Variants in FSHR observed in about 807,000 individuals in gnomAD.
FSHR encodes the protein follicle-stimulating hormone receptor.
FSHR carries 46 observed loss-of-function variants against 52.1 expected under a neutral mutation model. That is an observed-to-expected ratio of 0.88 (90% CI 0.70 to 1.13). The LOEUF (loss-of-function observed/expected upper bound fraction) is 1.13, where lower values mean the gene tolerates loss of function less well. Ranked by LOEUF, FSHR falls within the 50% of genes most tolerant of loss-of-function variation. FSHR has a pLI of 0.00. For synonymous variants in FSHR, 399 were observed against 309.6 expected (o/e 1.29, Z -3.03); for missense variants, 964 against 834.6 (o/e 1.16, Z -1.91).
At chr2:49,029,493 C>A (rs1431880367) in intron 2 of FSHR, among the ~76,000 whole-genome samples, 4 of 152,150 alleles carry the variant, frequency 2.6e-5, no homozygotes, top group African/African-American at 9.7e-5. Context: ...CTTGAGTGGG[C>A]CAAAGGAAGC....
At chr2:49,093,286 G>C (rs192520358) in intron 1 of FSHR, among the ~76,000 whole-genome samples, 1 of 152,272 alleles carries the variant, frequency 6.6e-6, no homozygotes, top group East Asian at 1.9e-4. Flanking sequence ...TGCTGAGATA[G>C]GAGTGTTAAA....
At chr2:49,008,837 G>T (rs1250447365) in intron 4 of FSHR, among the ~76,000 whole-genome samples, 4 of 149,178 alleles carry the variant, frequency 2.7e-5, no homozygotes, top group Non-Finnish European at 5.9e-5. Context: ...TTTGAGAAGT[G>T]TCTGTTCATG....
intron 1 of FSHR, among the ~76,000 whole-genome samples, chr2:49,072,008 TG>T (rs1473284113): frequency 6.6e-6 from 1 of 152,114 alleles, no homozygotes; most frequent in Non-Finnish European, 1.5e-5. Flanking sequence ...GAAATATAAG[TG>T]GGTTGTCATA....
chr2:49,151,722 A>G (rs1426220530), intron 1 of FSHR, among the ~76,000 whole-genome samples: 2 of 152,138 alleles, frequency 1.3e-5, no homozygotes, highest in Non-Finnish European at 2.9e-5. Context: ...ATTAAAGTTA[A>G]TACGCAAACT....
chr2:49,131,373 G>C (rs1385374924), intron 1 of FSHR, among the ~76,000 whole-genome samples: 1 of 152,114 alleles, frequency 6.6e-6, no homozygotes, highest in Non-Finnish European at 1.5e-5. Flanking sequence ...ATAGGATGTT[G>C]AATCCAAAGA....
chr2:49,011,316 A>G (rs1206724179), intron 4 of FSHR, among the ~76,000 whole-genome samples: 1 of 151,960 alleles, frequency 6.6e-6, no homozygotes, highest in African/African-American at 2.4e-5. Context: ...CAGGTTGTTC[A>G]GTTTCCATGT....
At chr2:49,137,019 A>T (rs1672512153) in intron 1 of FSHR, among the ~76,000 whole-genome samples, 1 of 152,150 alleles carries the variant, frequency 6.6e-6, no homozygotes, top group South Asian at 2.1e-4. Flanking sequence ...TAAAGTAATT[A>T]GACAAGAAAA....
At chr2:49,020,265 C>T in intron 2 of FSHR, 105 bp from the exon 3 acceptor site, 3 of 951,970 alleles carry the variant, frequency 3.2e-6, no homozygotes, top group Non-Finnish European at 5.1e-6. Flanking sequence ...ACAAGACACA[C>T]AAAACTCCTT....
rs70946839 is a variant in FSHR, at chr2:48,985,697, G to GTTTTTTTTTTTTTTTTT, written c.525-2548_525-2532dup. Among the ~76,000 whole-genome samples the GTTTTTTTTTTTTTTTTT allele has an allele frequency of 1.4e-4, 14 of 99,540 alleles. 7 individuals are homozygous for GTTTTTTTTTTTTTTTTT. The highest frequency in any genetic ancestry group is 1.7e-4 in the African/African-American group (4 of 23,878). The allele number at this position is 99,540 out of a possible 152,430, so 65.3% of individuals were successfully genotyped here. ...TTCAGTTTCAGGGGAGCAAGTACAG[G>GTTTTTTTTTTTTTTTTT]TTTTTTTTTTTTTTTTTTTTTTTTT... On this transcript the variant is annotated intron_variant, in intron 6 of 9. Transcript: ENST00000406846.
rs112937052 is a variant in FSHR, at chr2:48,962,832, G to T, written c.1989C>A (p.His663Gln). The T allele has an allele frequency of 4.0e-5, 65 of 1,614,176 alleles. No individual in the cohort carries two copies. In the South Asian group the frequency reaches 4.6e-4, roughly 11 times the overall value. Residue 663 changes from histidine to glutamine, a missense_variant, in exon 10 of 10, where the codon CAC becomes CAA. Coordinates refer to ENST00000406846, the MANE Select transcript of FSHR (RefSeq NM_000145.4). ...AGTGGCCATTCCTTGGATGGGTGTT[G>T]TGGACAGTGGATGAAGTTTCTGTCC... ...IYRTETSSTVHNTHPRNGHCS... is the reference protein window; with the variant it reads ...IYRTETSSTVQNTHPRNGHCS...
intron 2 of FSHR, among the ~76,000 whole-genome samples, chr2:49,036,635 T>C (rs1668281102): frequency 6.6e-6 from 1 of 152,218 alleles, no homozygotes; most frequent in Admixed American, 6.5e-5. Context: ...CTAGCATTTC[T>C]TCTTTGTCTA....
At chr2:49,053,219 C>T (rs376358658) in intron 2 of FSHR, among the ~76,000 whole-genome samples, 39 of 152,212 alleles carry the variant, frequency 2.6e-4, no homozygotes, top group African/African-American at 8.9e-4. Context: ...TTATTGCCGC[C>T]TCATCTGCAT....
At chr2:49,053,356 T>A (rs1447571212) in intron 2 of FSHR, among the ~76,000 whole-genome samples, 1 of 152,164 alleles carries the variant, frequency 6.6e-6, no homozygotes, top group East Asian at 1.9e-4. Flanking sequence ...ATAGATGTGT[T>A]TTTAAATTGA....
At chr2:48,965,390 G>A (rs920689362) in intron 9 of FSHR, among the ~76,000 whole-genome samples, 1 of 152,088 alleles carries the variant, frequency 6.6e-6, no homozygotes, top group Non-Finnish European at 1.5e-5. Flanking sequence ...TTTTTTTAAG[G>A]CTAAATGATT....
chr2:49,058,974 T>A (rs1357164766), intron 2 of FSHR, among the ~76,000 whole-genome samples: 2 of 152,154 alleles, frequency 1.3e-5, no homozygotes, highest in African/African-American at 4.8e-5. Flanking sequence ...TTTGGGTGAT[T>A]GGGGCAGAAT....
At chr2:49,099,336 T>G (rs557498272) in intron 1 of FSHR, among the ~76,000 whole-genome samples, 1 of 152,138 alleles carries the variant, frequency 6.6e-6, no homozygotes, top group African/African-American at 2.4e-5. Context: ...GCTCTCATTC[T>G]CTCTCTTGCT....
At chr2:49,096,424 G>A (rs1604824) in intron 1 of FSHR, among the ~76,000 whole-genome samples, 79,467 of 152,092 alleles carry the variant, frequency 0.52, 21,259 homozygotes, top group East Asian at 0.76. Context: ...AGAAACAAAA[G>A]GTAAATTACT....
chr2:49,041,916 G>A (rs1668491457), intron 2 of FSHR, among the ~76,000 whole-genome samples: 1 of 152,144 alleles, frequency 6.6e-6, no homozygotes. Flanking sequence ...GGAGGCCAAG[G>A]CAAGCAGATT....
intron 1 of FSHR, among the ~76,000 whole-genome samples, chr2:49,095,836 A>G (rs1418689624): frequency 6.6e-6 from 1 of 152,216 alleles, no homozygotes; most frequent in Non-Finnish European, 1.5e-5. Context: ...GTAAAGATAT[A>G]CAAATAGCCA....
Sources: allele counts gnomAD v4.1 joint callset (sites outside exome capture counted in the v4.1 genomes callset), GRCh38; gene constraint gnomAD v4.1.1; transcripts MANE v1.5; gene names NCBI Gene and HGNC (gene_info 2026-07-23, HGNC 2026-07-21).